BMP2K: variants seen among roughly 807,000 people sequenced by gnomAD.
BMP2K encodes BMP-2-inducible protein kinase.
A neutral mutation model predicts 116.0 loss-of-function variants in BMP2K; 74 were observed. That is an observed-to-expected ratio of 0.64 (90% CI 0.53 to 0.77). The LOEUF is 0.77. BMP2K is among the 30% of genes least tolerant of loss of function. The pLI, the probability that BMP2K is intolerant of heterozygous loss-of-function variation, is 0.00. For missense variants in BMP2K, 1,365 were observed against 1,403.6 expected (o/e 0.97, Z 0.44); for synonymous variants, 486 against 502.5 (o/e 0.97, Z 0.44).
intron 15 of BMP2K, among the ~76,000 whole-genome samples, chr4:78,889,700 C>G (rs1733324810): frequency 6.6e-6 from 1 of 152,122 alleles, no homozygotes; most frequent in Non-Finnish European, 1.5e-5. Context: ...ATTTCTAGGA[C>G]TAGGACCCAA....
chr4:78,842,409 A>G lies in BMP2K; in HGVS notation c.428A>G (p.Asn143Ser). Reference sequence around the variant, plus strand: ...GCTGGACAGGTAGTGAATCAAATGAATAAGAAGCTACAGACGGGTTTTACA... The same window carrying G: ...GCTGGACAGGTAGTGAATCAAATGAGTAAGAAGCTACAGACGGGTTTTACA... Reference protein sequence around the residue: ...CRAGQVVNQMNKKLQTGFTEP... With the variant: ...CRAGQVVNQMSKKLQTGFTEP... Residue 143 changes from asparagine to serine, a missense_variant, in exon 4 of 16, where the codon AAT (asparagine) becomes AGT (serine). By Grantham distance (46) the Asn-to-Ser change is conservative. Transcript: ENST00000502613. The G allele has an allele frequency of 1.2e-6, 2 of 1,603,336 alleles. No homozygotes were observed. The highest frequency in any genetic ancestry group is 1.7e-6 in the Non-Finnish European group (2 of 1,172,390).
At chr4:78,884,017 C>T (rs1732970585) in intron 14 of BMP2K, among the ~76,000 whole-genome samples, 1 of 151,920 alleles carries the variant, frequency 6.6e-6, no homozygotes, top group African/African-American at 2.4e-5. Context: ...TGTATTACAG[C>T]CTGGGTGAAA....
chr4:78,864,821 CTTAAT>C (rs1231521301), intron 9 of BMP2K, among the ~76,000 whole-genome samples: 2 of 152,064 alleles, frequency 1.3e-5, no homozygotes, highest in African/African-American at 4.8e-5. Context: ...AGTTTTTGTA[CTTAAT>C]TTATAGAAAG....
chr4:78,904,794 T>G (rs942190591), intron 15 of BMP2K, among the ~76,000 whole-genome samples: 2 of 151,956 alleles, frequency 1.3e-5, no homozygotes, highest in Admixed American at 6.6e-5. Flanking sequence ...TTGAAATGGC[T>G]TAATTATTAA....
intron 3 of BMP2K, among the ~76,000 whole-genome samples, chr4:78,840,996 G>A (rs1208385846): frequency 6.6e-6 from 1 of 152,088 alleles, no homozygotes; most frequent in Admixed American, 6.6e-5. Flanking sequence ...TAAAAGACAG[G>A]GAGTCTGCCA....
chr4:78,834,914 ATATCT>A (rs1446070412), intron 3 of BMP2K, among the ~76,000 whole-genome samples: 13 of 152,246 alleles, frequency 8.5e-5, no homozygotes, highest in Non-Finnish European at 1.3e-4. Flanking sequence ...ATTTTTCTTT[ATATCT>A]TATCTTCTCT....
intron 1 of BMP2K, among the ~76,000 whole-genome samples, chr4:78,790,374 A>T (rs1727940363): frequency 6.6e-6 from 1 of 152,258 alleles, no homozygotes; most frequent in African/African-American, 2.4e-5. Flanking sequence ...CAAATAAATA[A>T]AGCTTATTGT....
intron 15 of BMP2K, among the ~76,000 whole-genome samples, chr4:78,900,580 A>G (rs1733947204): frequency 6.6e-6 from 1 of 152,240 alleles, no homozygotes; most frequent in Non-Finnish European, 1.5e-5. Flanking sequence ...TAATTCATGT[A>G]TTCACAGTCT....
chr4:78,824,961 G>T (rs537216944), intron 1 of BMP2K, among the ~76,000 whole-genome samples: 290 of 152,266 alleles, frequency 1.9e-3, no homozygotes, highest in Middle Eastern at 0.017. Context: ...CAGCACTTTG[G>T]GGGGACAAGG....
chr4:78,829,202 A>G (rs1393440050), intron 2 of BMP2K, among the ~76,000 whole-genome samples: 1 of 152,170 alleles, frequency 6.6e-6, no homozygotes, highest in East Asian at 1.9e-4. Flanking sequence ...AATCATGTCA[A>G]ATCTTGTCAC....
At chr4:78,881,156 ATAAT>A (rs1302929388) in intron 14 of BMP2K, among the ~76,000 whole-genome samples, 1 of 152,236 alleles carries the variant, frequency 6.6e-6, no homozygotes, top group Non-Finnish European at 1.5e-5. Flanking sequence ...GGTTGTCCAG[ATAAT>A]TAAATGATGT....
chr4:78,785,393 T>G (rs1312508342), intron 1 of BMP2K, among the ~76,000 whole-genome samples: 1 of 152,216 alleles, frequency 6.6e-6, no homozygotes, highest in Non-Finnish European at 1.5e-5. Context: ...ATTACAGTCA[T>G]GAGCCACTGC....
At chr4:78,819,342 A>G (rs1356534484) in intron 1 of BMP2K, among the ~76,000 whole-genome samples, 1 of 152,212 alleles carries the variant, frequency 6.6e-6, no homozygotes, top group African/African-American at 2.4e-5. Flanking sequence ...GCTGTGAGCC[A>G]CTGTGCCTGG....
In BMP2K at chr4:78,776,431, C is replaced by T; in HGVS notation, c.-113C>T. The T allele has an allele frequency of 1.9e-6, 2 of 1,026,870 alleles. No homozygotes were observed. The highest frequency in any genetic ancestry group is 2.4e-6 in the Non-Finnish European group (2 of 842,404). The allele number at this position is 1,026,870 out of a possible 1,614,324, so 63.6% of individuals were successfully genotyped here. On this transcript the variant is annotated 5_prime_UTR_variant, in exon 1 of 16. Transcript: ENST00000502613. Reference sequence around the variant, plus strand: ...GCGGAATGTGAGGCTTGGCGGGCCGCAGCACGCTCGGACGGGCCAGGGGCG... The same window carrying T: ...GCGGAATGTGAGGCTTGGCGGGCCGTAGCACGCTCGGACGGGCCAGGGGCG...
chr4:78,804,762 G>A (rs1457731006), intron 1 of BMP2K, among the ~76,000 whole-genome samples: 1 of 132,632 alleles, frequency 7.5e-6, no homozygotes, highest in Non-Finnish European at 1.6e-5. Flanking sequence ...TCTGCTTTTT[G>A]TAAAATTGGG....
rs1297538514 is a variant in BMP2K at position 78,870,705 on chromosome 4, TG to T, written c.1232-77del. The T allele has an allele frequency of 2.6e-6, 4 of 1,509,474 alleles. No individual in the cohort carries two copies. In the Admixed American group the frequency reaches 8.7e-5, roughly 33 times the overall value. The allele number at this position is 1,509,474 out of a possible 1,614,324, so 93.5% of individuals were successfully genotyped here. A position where few individuals can be genotyped will look rare whatever the true frequency, so the allele number is the denominator to read the frequency against. ...ATAAATGCCTTAGTTAAATTATTAT[TG>T]AAATGAGCATGTTGAAATCCAGCTT... On this transcript the variant is annotated intron_variant, in intron 10 of 15. Transcript: ENST00000502613.
At position 78,872,709 on chromosome 4, in the gene BMP2K, T is replaced by A. The variant is rs1202678814; in HGVS notation, c.1704T>A (p.Pro568=). The A allele has an allele frequency of 6.2e-7, 1 of 1,614,116 alleles. No individual in the cohort carries two copies. Among genetic ancestry groups the A allele is most frequent in the African/African-American group, 1.3e-5 (1 of 75,034 alleles). ...CATCACCTGAATATCTTACCTCCCC[T>A]CAAGAGTTCTCACCAGCCTTAGTTT... ...QQASPEYLTS[P]QEFSPALVSY... Residue 568 remains proline (P), a synonymous_variant, in exon 13 of 16, where the codon CCT becomes CCA. Transcript: ENST00000502613.
At chr4:78,838,752 T>C (rs1252530918) in intron 3 of BMP2K, among the ~76,000 whole-genome samples, 5 of 152,232 alleles carry the variant, frequency 3.3e-5, no homozygotes, top group Non-Finnish European at 7.3e-5. Context: ...CAATATGTTA[T>C]ATAGCTCATA....
chr4:78,788,124 A>AT (rs1195914656), intron 1 of BMP2K, among the ~76,000 whole-genome samples: 4 of 151,164 alleles, frequency 2.6e-5, no homozygotes, highest in African/African-American at 9.7e-5. Flanking sequence ...GCAATTACCC[A>AT]TTTTTTCATT....
Sources: gnomAD v4.1 joint callset for allele counts (sites outside exome capture counted in the v4.1 genomes callset) on GRCh38, gnomAD v4.1.1 for gene constraint, MANE v1.5 for transcripts, NCBI Gene and HGNC (gene_info 2026-07-23, HGNC 2026-07-21) for gene names.